The following DNAH5 variants were observed in gnomAD, a reference collection of about 807,000 sequenced individuals.
DNAH5 encodes axonemal beta dynein heavy chain 5.
DNAH5 carries 372 observed loss-of-function variants against 518.2 expected under a neutral mutation model. That is an observed-to-expected ratio of 0.72 (90% CI 0.66 to 0.78). DNAH5 has a LOEUF of 0.78. Among genes scored for constraint, DNAH5 ranks in the 30% least tolerant of loss-of-function variants. The pLI is 0.00. For synonymous variants in DNAH5, 2,039 were observed against 2,025.9 expected (o/e 1.01, Z -0.17); for missense variants, 5,523 against 5,687.0 (o/e 0.97, Z 0.93).
intron 1 of DNAH5, among the ~76,000 whole-genome samples, chr5:13,992,843 A>G (rs2152075972): frequency 6.6e-6 from 1 of 152,338 alleles, no homozygotes; most frequent in East Asian, 1.9e-4. Flanking sequence ...TTACCAAGAC[A>G]TAATTAAAAG....
Position 13,717,427 on chromosome 5 carries a change from C to A in DNAH5, c.12593G>T (p.Arg4198Met), listed in dbSNP as rs1419552887. The change falls in exon 73 of 79, where the codon AGG (arginine) becomes ATG (methionine). Residue 4198 changes from arginine to methionine, a missense_variant. Arg to Met is a moderately conservative substitution (Grantham distance 91). Transcript: ENST00000265104. ...VAFLHSTVQERRKFGALGWNI... is the reference protein window; with the variant it reads ...VAFLHSTVQEMRKFGALGWNI... ...CCACCCCAGGGCACCGAACTTGCGC[C>A]TCTCCTGGACAGTGGAGTGCAGGAA... is the stretch of plus-strand genomic sequence containing the variant. The A allele has an allele frequency of 1.2e-6, 2 of 1,614,132 alleles. No homozygotes were observed. Among genetic ancestry groups the A allele is most frequent in the Non-Finnish European group, 1.7e-6 (2 of 1,180,004 alleles).
In DNAH5 at chr5:13,867,984, A is replaced by G. The variant is rs146492613; in HGVS notation, c.3843T>C (p.Tyr1281=). 5.4e-5 allele frequency: 87 copies of G among 1,600,746 alleles called. No homozygotes were observed. In the African/African-American group the frequency reaches 1.1e-3, roughly 21 times the overall value. ...DFQVGPIEES[Y]ALLNRYGLLI... ...GAAGTCCATATCTGTTAAGCAGGGCATAAGATTCCTAAAAAAAAATAGGAA... is the reference window on the plus strand; with the variant it reads ...GAAGTCCATATCTGTTAAGCAGGGCGTAAGATTCCTAAAAAAAAATAGGAA... The change falls in exon 25 of 79, where the codon TAT becomes TAC. Residue 1281 remains tyrosine, a synonymous_variant. Coordinates refer to ENST00000265104, the MANE Select transcript of DNAH5 (RefSeq NM_001369.3).
rs771916783 is a variant in DNAH5 at position 13,735,813 on chromosome 5, C to T, written c.11570+5G>A. 1.8e-4 allele frequency: 296 copies of T among 1,611,266 alleles called. No individual in the cohort carries two copies. The highest frequency in any genetic ancestry group is 2.2e-4 in the Admixed American group (13 of 59,998). Reference sequence around the variant, plus strand: ...TTCAGCTTGGCTTCCCGCGTACAGACGTACCTGGCTAAGGAAAGGTCAAAT... The same window carrying T: ...TTCAGCTTGGCTTCCCGCGTACAGATGTACCTGGCTAAGGAAAGGTCAAAT... On this transcript the variant is annotated splice_donor_5th_base_variant and intron_variant, in intron 67 of 78. Transcript: ENST00000265104.
intron 5 of DNAH5, among the ~76,000 whole-genome samples, chr5:13,921,207 C>G (rs1049388675): frequency 5.3e-5 from 8 of 152,254 alleles, no homozygotes; most frequent in Non-Finnish European, 1.0e-4. Context: ...TGGAGTCATC[C>G]TGTGTCTGTC....
chr5:13,990,583 T>C (rs189234508), intron 1 of DNAH5, among the ~76,000 whole-genome samples: 1 of 143,802 alleles, frequency 7.0e-6, no homozygotes, highest in Admixed American at 7.0e-5. Flanking sequence ...ATAAAAAAAT[T>C]GGGGCCAGGC....
intron 5 of DNAH5, among the ~76,000 whole-genome samples, chr5:13,921,425 C>CCT (rs1256878211): frequency 8.9e-5 from 8 of 89,660 alleles, no homozygotes; most frequent in Non-Finnish European, 1.6e-4. Flanking sequence ...TCTCTCTCTC[C>CCT]CTCTCTCTCT....
intron 1 of DNAH5, among the ~76,000 whole-genome samples, chr5:13,958,484 A>G (rs1388698015): frequency 2.6e-5 from 4 of 151,976 alleles, no homozygotes; most frequent in Non-Finnish European, 4.4e-5. Flanking sequence ...TTTTCTTTCC[A>G]TTGATTTTAT....
chr5:13,956,834 A>G (rs1370932478), intron 1 of DNAH5, among the ~76,000 whole-genome samples: 29 of 152,342 alleles, frequency 1.9e-4, no homozygotes. Context: ...ATTATTCATA[A>G]AAGTGAATTT....
chr5:13,811,188 A>T (rs77632195), intron 44 of DNAH5, among the ~76,000 whole-genome samples: 2 of 152,098 alleles, frequency 1.3e-5, no homozygotes, highest in South Asian at 2.1e-4. Context: ...TAACTGAGGG[A>T]GTCCAATTGT....
intron 55 of DNAH5, among the ~76,000 whole-genome samples, chr5:13,773,763 T>C (rs1753681206): frequency 6.6e-6 from 1 of 152,076 alleles, no homozygotes; most frequent in Admixed American, 6.5e-5. Flanking sequence ...TGCTATGGAA[T>C]GGATAACAGA....
At chr5:13,926,884 C>G (rs902452256) in intron 3 of DNAH5, among the ~76,000 whole-genome samples, 30 of 152,142 alleles carry the variant, frequency 2.0e-4, no homozygotes, top group African/African-American at 7.0e-4. Context: ...CCTTCTATCT[C>G]TTGATTTTTC....
At chr5:13,889,193 T>C (rs966336870) in intron 17 of DNAH5, among the ~76,000 whole-genome samples, 4 of 152,214 alleles carry the variant, frequency 2.6e-5, no homozygotes, top group Non-Finnish European at 4.4e-5. Context: ...TTCTTTTAAA[T>C]TTAAATTTAA....
chr5:13,745,951 T>G (rs1412298790), intron 65 of DNAH5, among the ~76,000 whole-genome samples: 1 of 152,150 alleles, frequency 6.6e-6, no homozygotes, highest in African/African-American at 2.4e-5. Flanking sequence ...TTTTTATGAT[T>G]TCATTTATTT....
intron 18 of DNAH5, 105 bp downstream of exon 18, chr5:13,885,859 G>C: frequency 9.5e-7 from 1 of 1,051,332 alleles, no homozygotes; most frequent in Non-Finnish European, 1.4e-6. Context: ...AAAATCGAGA[G>C]GATGTTTATA....
At chr5:14,002,377 G>GT (rs1784418847) in intron 1 of DNAH5, among the ~76,000 whole-genome samples, 1 of 151,742 alleles carries the variant, frequency 6.6e-6, no homozygotes, top group African/African-American at 2.4e-5. Flanking sequence ...TTTTTTCTAA[G>GT]GTTAAAAATT....
At chr5:13,966,570 G>T (rs1455751803) in intron 1 of DNAH5, among the ~76,000 whole-genome samples, 6 of 152,144 alleles carry the variant, frequency 3.9e-5, no homozygotes, top group Non-Finnish European at 8.8e-5. Flanking sequence ...GAAGTAAAGT[G>T]GTATCACATT....
rs1450885898 is a variant in DNAH5 at position 13,967,979 on chromosome 5, C to T, written c.13-36735G>A. On this transcript the variant is annotated intron_variant, in intron 1 of 78. Coordinates refer to the DNAH5 transcript ENST00000681290. The stretch of plus-strand genomic sequence containing the variant: ...ATGGGTTTCCATTTGTTTGTGTTGT[C>T]TATGATTTCTTTCAGTAGTGTTCTG... Among the ~76,000 whole-genome samples the T allele has an allele frequency of 1.3e-5, 2 of 152,152 alleles. 1 individual carries two copies. Among genetic ancestry groups the T allele is most frequent in the Non-Finnish European group, 2.9e-5 (2 of 68,024 alleles).
At chr5:13,758,526 C>T (rs114195481) in intron 61 of DNAH5, among the ~76,000 whole-genome samples, 1,714 of 152,166 alleles carry the variant, frequency 0.011, 22 homozygotes, top group African/African-American at 0.04. Context: ...ACCCACCCTG[C>T]CTACCTTGCA....
At chr5:13,768,500 G>A (rs751647561) in intron 58 of DNAH5, among the ~76,000 whole-genome samples, 6 of 152,280 alleles carry the variant, frequency 3.9e-5, no homozygotes, top group Admixed American at 2.0e-4. Flanking sequence ...GTTTAATTGC[G>A]TTGGAAGCCT....
Sources: allele counts gnomAD v4.1 joint callset (sites outside exome capture counted in the v4.1 genomes callset), GRCh38; gene constraint gnomAD v4.1.1; transcripts MANE v1.5; gene names NCBI Gene and HGNC (gene_info 2026-07-23, HGNC 2026-07-21).